TOPAZ1: variants seen among roughly 807,000 people sequenced by gnomAD.
TOPAZ1 encodes protein TOPAZ1.
A neutral mutation model predicts 172.2 loss-of-function variants in TOPAZ1; 66 were observed. The observed-to-expected ratio is 0.38, with a 90% confidence interval of 0.31 to 0.47. The LOEUF is 0.47. TOPAZ1 is among the 20% of genes least tolerant of loss of function. TOPAZ1 has a pLI of 0.99. For synonymous variants in TOPAZ1, 681 were observed against 683.9 expected, an observed-to-expected ratio of 1.00 and a Z score of 0.07; for missense variants, 1,822 against 1,972.4, an observed-to-expected ratio of 0.92 and a Z score of 1.44.
Position 44,305,319 on chromosome 3 carries a change from C to T in TOPAZ1, c.4037C>T (p.Thr1346Ile). The T allele has an allele frequency of 6.5e-7, 1 of 1,534,686 alleles. No homozygotes were observed. Among genetic ancestry groups the T allele is most frequent in the Non-Finnish European group, 8.8e-7 (1 of 1,142,404 alleles). ...ATTCCCTTTTGTGAATTTGCTGAAACAGGTAAAATGTAACTATTGGCCTGA... is the reference window on the plus strand; with the variant it reads ...ATTCCCTTTTGTGAATTTGCTGAAATAGGTAAAATGTAACTATTGGCCTGA... ...PDIPFCEFAE[T>I]VSKDPQNSKV... The change falls in exon 14 of 20, where the codon ACA becomes ATA. Residue 1346 changes from threonine to isoleucine, a missense_variant and splice_region_variant. Transcript: ENST00000309765.
At chr3:44,275,263 A>G (rs1699940845) in intron 8 of TOPAZ1, among the ~76,000 whole-genome samples, 1 of 151,980 alleles carries the variant, frequency 6.6e-6, no homozygotes, top group African/African-American at 2.4e-5. Flanking sequence ...GTTGCTAACT[A>G]TAGTCATCCT....
chr3:44,327,163 T>A (rs1700609436), intron 18 of TOPAZ1, among the ~76,000 whole-genome samples: 1 of 152,176 alleles, frequency 6.6e-6, no homozygotes, highest in Non-Finnish European at 1.5e-5. Context: ...AGGTAGCATT[T>A]TGTCAAGTTA....
At chr3:44,279,955 A>G (rs1393236784) in intron 8 of TOPAZ1, among the ~76,000 whole-genome samples, 1 of 151,882 alleles carries the variant, frequency 6.6e-6, no homozygotes, top group Non-Finnish European at 1.5e-5. Flanking sequence ...TCTTGTTTGT[A>G]TGCTCTGCTT....
At chr3:44,248,388 T>C (rs1699590931) in intron 2 of TOPAZ1, among the ~76,000 whole-genome samples, 1 of 152,350 alleles carries the variant, frequency 6.6e-6, no homozygotes, top group South Asian at 2.1e-4. Flanking sequence ...CCAGTTATAC[T>C]TTTATTGGCT....
At chr3:44,275,466 C>T (rs1394331507) in intron 8 of TOPAZ1, among the ~76,000 whole-genome samples, 1 of 152,022 alleles carries the variant, frequency 6.6e-6, no homozygotes. Context: ...TGTCTTTGTG[C>T]CTCCTTGTTA....
intron 8 of TOPAZ1, among the ~76,000 whole-genome samples, chr3:44,278,719 G>A (rs1296522772): frequency 6.6e-6 from 1 of 150,622 alleles, no homozygotes; most frequent in African/African-American, 2.4e-5. Flanking sequence ...ATTTTATTTG[G>A]GTCTTTTCTT....
chr3:44,298,525 G>A (rs527930506), intron 12 of TOPAZ1, among the ~76,000 whole-genome samples: 3 of 152,118 alleles, frequency 2.0e-5, no homozygotes, highest in South Asian at 2.1e-4. Flanking sequence ...CTTACTAACA[G>A]TAATCAAGTA....
chr3:44,261,336 A>G (rs928080758), intron 4 of TOPAZ1, among the ~76,000 whole-genome samples: 1 of 152,160 alleles, frequency 6.6e-6, no homozygotes, highest in Non-Finnish European at 1.5e-5. Flanking sequence ...TGATTTTTGC[A>G]TATGGGAAAA....
intron 15 of TOPAZ1, among the ~76,000 whole-genome samples, chr3:44,308,580 A>G (rs1232555027): frequency 1.3e-5 from 2 of 151,998 alleles, no homozygotes; most frequent in African/African-American, 4.8e-5. Flanking sequence ...TAGTGCCGCA[A>G]TAAACATACA....
At chr3:44,251,628 A>G (rs1225896630) in intron 2 of TOPAZ1, among the ~76,000 whole-genome samples, 2 of 152,214 alleles carry the variant, frequency 1.3e-5, no homozygotes, top group Non-Finnish European at 2.9e-5. Flanking sequence ...CATATTTCAT[A>G]TTCAATTTCA....
intron 5 of TOPAZ1, among the ~76,000 whole-genome samples, chr3:44,266,101 G>T (rs1699827470): frequency 1.3e-5 from 2 of 152,090 alleles, no homozygotes; most frequent in Non-Finnish European, 2.9e-5. Context: ...GAGATGATTT[G>T]TTTCGTGAAA....
chr3:44,271,208 C>T (rs1308561170), intron 8 of TOPAZ1, among the ~76,000 whole-genome samples: 1 of 152,082 alleles, frequency 6.6e-6, no homozygotes, highest in Non-Finnish European at 1.5e-5. Context: ...ATATATTCAG[C>T]CCTAGTAGAT....
In TOPAZ1 at chr3:44,306,345, C is replaced by G. The variant is rs1700336440; in HGVS notation, c.4059C>G (p.Asn1353Lys). The change falls in exon 15 of 20, where the codon AAC becomes AAG. Residue 1353 changes from asparagine (N) to lysine (K), a missense_variant. By Grantham distance (94) the Asn-to-Lys change is moderately conservative (BLOSUM62 0). Coordinates refer to ENST00000309765, the MANE Select transcript of TOPAZ1 (RefSeq NM_001145030.2). ...TTTCAGTTAGCAAAGATCCACAAAA[C>G]AGTAAAGTAGATAAAGGTGTACTGG... ...FAETVSKDPQ[N>K]SKVDKGVLGR... 1.9e-6 allele frequency: 3 copies of G among 1,545,202 alleles called. No homozygotes were observed. In the South Asian group the frequency reaches 3.6e-5, roughly 19 times the overall value.
chr3:44,289,986 T>C (rs1700118992), intron 11 of TOPAZ1, among the ~76,000 whole-genome samples: 1 of 152,220 alleles, frequency 6.6e-6, no homozygotes, highest in Admixed American at 6.5e-5. Flanking sequence ...CTTAACTCTC[T>C]AAATCCTTGT....
At chr3:44,314,219 A>G (rs1700428173) in intron 16 of TOPAZ1, among the ~76,000 whole-genome samples, 1 of 151,914 alleles carries the variant, frequency 6.6e-6, no homozygotes, top group African/African-American at 2.4e-5. Flanking sequence ...GAGCCACTGC[A>G]CCCGGCCAAC....
rs1276962344 is a variant in TOPAZ1, at chr3:44,257,282, G to A, written c.2955+1004G>A. On this transcript the variant is annotated intron_variant, in intron 4 of 19. Transcript: ENST00000309765. ...GCCTGGGAGGTCAAGTCTGCAGTGA[G>A]CCATGTTCGGGCCACTGCACTCCAG... Among the ~76,000 whole-genome samples the A allele has an allele frequency of 5.9e-5, 9 of 151,504 alleles. No homozygotes were observed. The South Asian group carries it at 1.9e-3, about 32-fold the overall frequency.
intron 12 of TOPAZ1, among the ~76,000 whole-genome samples, chr3:44,298,903 ATATATATTTTTT>A (rs1559541830): frequency 8.7e-5 from 1 of 11,438 alleles, no homozygotes; most frequent in African/African-American, 4.8e-4. Context: ...ATATATATAT[ATATATATTTTTT>A]TTTTTTTTTT....
chr3:44,258,253 C>T (rs1467534797), intron 4 of TOPAZ1, among the ~76,000 whole-genome samples: 4 of 152,172 alleles, frequency 2.6e-5, no homozygotes, highest in East Asian at 1.9e-4. Context: ...TGTGGATTCA[C>T]GTGCAGTTAT....
chr3:44,299,554 G>A (rs1700244456), intron 12 of TOPAZ1, among the ~76,000 whole-genome samples: 1 of 152,012 alleles, frequency 6.6e-6, no homozygotes, highest in African/African-American at 2.4e-5. Flanking sequence ...CGATTCCTCA[G>A]GGATCTAGAA....
Sources: gnomAD v4.1 joint callset for allele counts (sites outside exome capture counted in the v4.1 genomes callset) on GRCh38, gnomAD v4.1.1 for gene constraint, MANE v1.5 for transcripts, NCBI Gene and HGNC (gene_info 2026-07-23, HGNC 2026-07-21) for gene names.